Variants in GRIP1 observed in about 807,000 individuals in gnomAD.
GRIP1 encodes the protein glutamate receptor-interacting protein 1.
A neutral mutation model predicts 129.9 loss-of-function variants in GRIP1; 45 were observed. That is an observed-to-expected ratio of 0.35 (90% CI 0.27 to 0.44). GRIP1 has a LOEUF of 0.44. GRIP1 is among the 20% of genes least tolerant of loss of function. GRIP1 has a pLI of 1.00. For synonymous variants in GRIP1, 530 were observed against 520.8 expected (o/e 1.02, Z -0.24); for missense variants, 1,196 against 1,396.8 (o/e 0.86, Z 2.29).
At chr12:66,443,325 C>G (rs1391404107) in intron 13 of GRIP1, among the ~76,000 whole-genome samples, 1 of 152,194 alleles carries the variant, frequency 6.6e-6, no homozygotes, top group Non-Finnish European at 1.5e-5. Flanking sequence ...TAGTAATTTT[C>G]CATTCAATGA....
At chr12:66,407,707 C>T (rs996078789) in intron 15 of GRIP1, among the ~76,000 whole-genome samples, 3 of 152,168 alleles carry the variant, frequency 2.0e-5, no homozygotes, top group Non-Finnish European at 2.9e-5. Flanking sequence ...AGTTCCAACA[C>T]GCCTCACTGC....
chr12:66,547,556 T>C (rs1464300866), intron 2 of GRIP1, among the ~76,000 whole-genome samples: 2 of 152,176 alleles, frequency 1.3e-5, no homozygotes, highest in East Asian at 1.9e-4. Context: ...GCTAAACAAG[T>C]GTGGTTTGTC....
At chr12:66,509,277 G>A (rs1028179650) in intron 7 of GRIP1, among the ~76,000 whole-genome samples, 5 of 152,068 alleles carry the variant, frequency 3.3e-5, no homozygotes, top group African/African-American at 1.2e-4. Flanking sequence ...TAAATTTCTT[G>A]GTATTCACTA....
At chr12:66,486,802 T>C (rs1435535308) in intron 7 of GRIP1, among the ~76,000 whole-genome samples, 2 of 152,044 alleles carry the variant, frequency 1.3e-5, no homozygotes, top group Non-Finnish European at 2.9e-5. Flanking sequence ...ATTTTTTTTT[T>C]TTTTTTGAGT....
At chr12:66,785,325 TACATACATAC>T in intron 1 of GRIP1, among the ~76,000 whole-genome samples, 1 of 52,166 alleles carries the variant, frequency 1.9e-5, no homozygotes, top group African/African-American at 6.4e-5. Flanking sequence ...CATACATACA[TACATACATAC>T]ATACATACAT....
intron 15 of GRIP1, among the ~76,000 whole-genome samples, chr12:66,407,685 G>T (rs1344842363): frequency 6.6e-6 from 1 of 152,168 alleles, no homozygotes; most frequent in Non-Finnish European, 1.5e-5. Context: ...CCATTCCGGT[G>T]GTCAGAACTT....
chr12:66,597,896 T>A (rs2064117027), intron 1 of GRIP1, among the ~76,000 whole-genome samples: 1 of 152,024 alleles, frequency 6.6e-6, no homozygotes, highest in Admixed American at 6.6e-5. Context: ...GTAAAAGAAA[T>A]GTGAATAACA....
chr12:67,051,348 T>A (rs78606094), intron 1 of GRIP1, among the ~76,000 whole-genome samples: 2,715 of 150,018 alleles, frequency 0.018, 30 homozygotes, highest in Middle Eastern at 0.055. Context: ...AGATTTTTTT[T>A]AATGTCCACT....
chr12:66,796,386 C>T (rs2038699766), intron 1 of GRIP1, among the ~76,000 whole-genome samples: 1 of 151,920 alleles, frequency 6.6e-6, no homozygotes, highest in East Asian at 1.9e-4. Flanking sequence ...CAGAAGATGG[C>T]AAGGGAAGTA....
At chr12:66,408,251 G>A (rs1003091029) in intron 15 of GRIP1, among the ~76,000 whole-genome samples, 2 of 152,152 alleles carry the variant, frequency 1.3e-5, no homozygotes, top group Non-Finnish European at 2.9e-5. Flanking sequence ...GGCCGAGGTG[G>A]GTGGATCACT....
At chr12:66,730,070 C>T (rs549615261) in intron 1 of GRIP1, among the ~76,000 whole-genome samples, 29 of 152,256 alleles carry the variant, frequency 1.9e-4, no homozygotes, top group African/African-American at 6.0e-4. Context: ...TCCAATGCTT[C>T]GCAAAACCAG....
chr12:66,847,815 G>A (rs1007276143), intron 1 of GRIP1, among the ~76,000 whole-genome samples: 1 of 152,114 alleles, frequency 6.6e-6, no homozygotes, highest in Non-Finnish European at 1.5e-5. Context: ...TGGTAAAATG[G>A]TAGTTAAAAA....
At position 66,596,890 on chromosome 12, in the gene GRIP1, C is replaced by G. The variant is rs922382065; in HGVS notation, c.93G>C (p.Lys31Asn). Residue 31 changes from lysine to asparagine, a missense_variant, in exon 2 of 25, where the codon AAG becomes AAC. This residue lies in a region of GRIP1 where 217 missense variants were observed against 224.8 expected (regional missense o/e 0.97). Transcript: ENST00000359742. The stretch of plus-strand genomic sequence containing the variant: ...TCACAGCCAACGCTCCATCAGGCGG[C>G]TTTGTCTGGCTGGCGGATTTAGTGT... Reference protein sequence around the residue: ...SPYTKSASQTKPPDGALAVRR... With the variant: ...SPYTKSASQTNPPDGALAVRR... The G allele has an allele frequency of 2.0e-5, 32 of 1,613,606 alleles. No homozygotes were observed. The highest frequency in any genetic ancestry group is 2.6e-5 in the Non-Finnish European group (31 of 1,179,642).
At chr12:67,013,948 C>G (rs1162273817) in intron 1 of GRIP1, among the ~76,000 whole-genome samples, 1 of 152,212 alleles carries the variant, frequency 6.6e-6, no homozygotes, top group African/African-American at 2.4e-5. Flanking sequence ...AAGATTTCTA[C>G]TAAGAATTCT....
Position 66,455,527 on chromosome 12 carries a change from C to T in GRIP1, c.1236G>A (p.Met412Ile). ...LVSSSFSPTS[M>I]SAYSLSSLNM... is the part of the protein sequence containing the mutation. The stretch of plus-strand genomic sequence containing the variant: ...TCAGGGAACTCAGGCTGTATGCACT[C>T]ATGGAGGTAGGAGAGAAGGATGAAG... Residue 412 changes from methionine to isoleucine, a missense_variant, in exon 11 of 25, where the codon ATG becomes ATA. Physicochemically the swap from Met to Ile is conservative, Grantham distance 10. This residue lies in a region of GRIP1 where 508 missense variants were observed against 587.0 expected (regional missense o/e 0.87). Coordinates refer to ENST00000359742, the MANE Select transcript of GRIP1 (RefSeq NM_001366722.1). 1.2e-6 allele frequency: 2 copies of T among 1,613,974 alleles called. No homozygotes were observed. The highest frequency in any genetic ancestry group is 1.7e-6 in the Non-Finnish European group (2 of 1,179,882).
intron 1 of GRIP1, among the ~76,000 whole-genome samples, chr12:67,029,562 G>A (rs1378884902): frequency 1.7e-5 from 2 of 118,826 alleles, no homozygotes; most frequent in East Asian, 2.5e-4. Flanking sequence ...CTAGGCAACA[G>A]AGCAAGACCC....
chr12:66,517,930 T>G lies in GRIP1; in HGVS notation c.549A>C (p.Thr183=). 3 of 1,594,700 alleles carry G rather than the reference T, an allele frequency of 1.9e-6. No individual in the cohort carries two copies. The highest frequency in any genetic ancestry group is 2.6e-6 in the Non-Finnish European group (3 of 1,162,436). ...CAGCAGGCCCTCCAGGACGAACACATGTTATCACAACTGGACGAGATTTAT... is the reference window on the plus strand; with the variant it reads ...CAGCAGGCCCTCCAGGACGAACACAGGTTATCACAACTGGACGAGATTTAT... ...DRNKSRPVVI[T]CVRPGGPADR... Residue 183 remains threonine (T), a synonymous_variant, in exon 6 of 25, where the codon ACA becomes ACC. Transcript: ENST00000359742.
At chr12:67,031,240 T>C (rs1315631538) in intron 1 of GRIP1, among the ~76,000 whole-genome samples, 1 of 152,280 alleles carries the variant, frequency 6.6e-6, no homozygotes, top group East Asian at 1.9e-4. Context: ...AGTCAAAGAC[T>C]AAACACTTTC....
At chr12:66,982,823 T>C (rs2042258627) in intron 1 of GRIP1, among the ~76,000 whole-genome samples, 1 of 152,154 alleles carries the variant, frequency 6.6e-6, no homozygotes. Flanking sequence ...AACTTTTAAA[T>C]AATAAATATT....
Sources: gnomAD v4.1 joint callset for allele counts (sites outside exome capture counted in the v4.1 genomes callset) on GRCh38, gnomAD v4.1.1 for gene constraint, gnomAD v4.1.1 regional missense constraint, MANE v1.5 for transcripts, NCBI Gene and HGNC (gene_info 2026-07-23, HGNC 2026-07-21) for gene names.